The following EML5 variants were observed in gnomAD, a reference collection of about 807,000 sequenced individuals.
EML5 encodes echinoderm microtubule-associated protein-like 5.
EML5 carries 120 observed loss-of-function variants against 250.0 expected under a neutral mutation model. That is an observed-to-expected ratio of 0.48 (90% CI 0.41 to 0.56). EML5 has a LOEUF of 0.56. Ranked by LOEUF, EML5 falls within the 20% of genes least tolerant of loss-of-function variation. The pLI, the probability that EML5 is intolerant of heterozygous loss-of-function variation, is 0.00. For missense variants in EML5, 2,006 were observed against 2,437.6 expected (o/e 0.82, Z 3.73); for synonymous variants, 771 against 806.5 (o/e 0.96, Z 0.75).
At chr14:88,767,023 A>G (rs1013576073) in intron 1 of EML5, among the ~76,000 whole-genome samples, 7 of 152,172 alleles carry the variant, frequency 4.6e-5, no homozygotes, top group Non-Finnish European at 1.0e-4. Context: ...TAAATTGTTG[A>G]GATTTTAGTA....
Position 88,621,220 on chromosome 14 carries a change from C to T in EML5, c.5095G>A (p.Gly1699Ser), listed in dbSNP as rs761720203. The change falls in exon 38 of 44, where the codon GGT becomes AGT. Residue 1699 changes from glycine to serine, a missense_variant. Transcript: ENST00000554922. ...KNAACNILVN[G>S]HVDGPIWGLA... is the part of the protein sequence containing the mutation. The stretch of plus-strand genomic sequence containing the variant: ...CCCCAGATTGGCCCATCCACATGAC[C>T]GTTAACTAAAATATTACAAGCTGCA... 2.0e-5 allele frequency: 32 copies of T among 1,613,922 alleles called. No homozygotes were observed. The East Asian group carries it at 3.1e-4, about 16-fold the overall frequency.
chr14:88,644,323 C>T (rs2091234704), intron 30 of EML5, 110 bp downstream of exon 30: 1 of 905,566 alleles, frequency 1.1e-6, no homozygotes. Flanking sequence ...AAACAAAAAA[C>T]AGTACTCAAA....
rs55670689 is a variant in EML5 at position 88,668,338 on chromosome 14, T to G, written c.3125-2849A>C. Among the ~76,000 whole-genome samples, 526 of 151,332 alleles carry G rather than the reference T, an allele frequency of 3.5e-3. 2 individuals are homozygous for G. The highest frequency in any genetic ancestry group is 0.012 in the African/African-American group (505 of 41,172). ...AAATGCAGAGTGCAGGAAGAAGAGA[T>G]AGCACTAGCAAAGGAAACAGAAAAA... On this transcript the variant is annotated intron_variant, in intron 21 of 43. Transcript: ENST00000554922.
At position 88,689,249 on chromosome 14, in the gene EML5, T is replaced by C. The variant is rs977948268; in HGVS notation, c.2540-776A>G. Among the ~76,000 whole-genome samples the C allele has an allele frequency of 1.1e-4, 16 of 152,302 alleles. No individual in the cohort carries two copies. In the East Asian group the frequency reaches 1.7e-3, roughly 17 times the overall value. ...CTCTAGGAATGCCTGGGAGTAGTAA[T>C]AGGGTAATGTGCAAAAGGCATATCA... is the stretch of plus-strand genomic sequence containing the variant. On this transcript the variant is annotated intron_variant, in intron 17 of 43. Transcript: ENST00000554922.
chr14:88,649,047 C>T (rs981743517), intron 28 of EML5, among the ~76,000 whole-genome samples: 1 of 151,738 alleles, frequency 6.6e-6, no homozygotes, highest in African/African-American at 2.4e-5. Flanking sequence ...CCCCCACCCC[C>T]GAAACAGGGT....
Position 88,688,208 on chromosome 14 carries a change from C to G in EML5, c.2742+63G>C, listed in dbSNP as rs2092880576. The G allele has an allele frequency of 2.6e-6, 4 of 1,553,570 alleles. No individual in the cohort carries two copies. In the African/African-American group the frequency reaches 5.4e-5, roughly 21 times the overall value. On this transcript the variant is annotated intron_variant, in intron 18 of 43. Transcript: ENST00000554922. ...GTAGAAAGGCAGTGTTCCTTTACTT[C>G]TTAAAATGCTCTACACTCCAGGACA...
chr14:88,759,583 C>T (rs1043813732), intron 1 of EML5, among the ~76,000 whole-genome samples: 1 of 150,004 alleles, frequency 6.7e-6, no homozygotes, highest in East Asian at 2.0e-4. Context: ...ATTCAGAAGG[C>T]TGAGGCATGA....
At chr14:88,728,210 T>TC (rs1459781848) in intron 7 of EML5, among the ~76,000 whole-genome samples, 1 of 150,140 alleles carries the variant, frequency 6.7e-6, no homozygotes, top group African/African-American at 2.4e-5. Flanking sequence ...CTTTTTTTTT[T>TC]TGTCATTATT....
In EML5 at chr14:88,631,101, CA is replaced by C. The variant is rs543999287; in HGVS notation, c.4358-3283del. Among the ~76,000 whole-genome samples, 5 of 152,266 alleles carry C rather than the reference CA, an allele frequency of 3.3e-5. No individual in the cohort carries two copies. The South Asian group carries it at 1.0e-3, about 32-fold the overall frequency. On this transcript the variant is annotated intron_variant, in intron 33 of 43. Coordinates refer to ENST00000554922, the MANE Select transcript of EML5 (RefSeq NM_183387.3). ...TTCTCTGCTTAATTGCCTTAAGGAT[CA>C]AAAATATCAAATTCTGAGGTGCAGT...
At chr14:88,622,848 A>T (rs995181184) in intron 36 of EML5, 130 bp from the exon 37 acceptor site, 7 of 540,344 alleles carry the variant, frequency 1.3e-5, no homozygotes, top group Non-Finnish European at 2.2e-5. Flanking sequence ...TTTACCTCTA[A>T]TATTCTTGTA....
intron 20 of EML5, 127 bp from the exon 21 acceptor site, chr14:88,682,158 C>T: frequency 2.0e-6 from 2 of 979,520 alleles, no homozygotes; most frequent in Non-Finnish European, 2.7e-6. Flanking sequence ...GTGAGTAAAT[C>T]TATCAAAACT....
intron 1 of EML5, among the ~76,000 whole-genome samples, chr14:88,791,197 T>C (rs1225415725): frequency 6.6e-6 from 1 of 152,202 alleles, no homozygotes; most frequent in Non-Finnish European, 1.5e-5. Context: ...ACTTTATTTG[T>C]GGAATTTACA....
At chr14:88,770,094 G>A (rs1025963792) in intron 1 of EML5, among the ~76,000 whole-genome samples, 5 of 151,894 alleles carry the variant, frequency 3.3e-5, no homozygotes, top group African/African-American at 4.8e-5. Flanking sequence ...CTTGTGAAAC[G>A]GCCGCTGAAA....
intron 24 of EML5, among the ~76,000 whole-genome samples, chr14:88,662,628 C>T (rs528888456): frequency 7.7e-4 from 117 of 151,212 alleles, no homozygotes; most frequent in African/African-American, 2.0e-3. Context: ...CTGCAGCCTC[C>T]GCCTCCTAGG....
At chr14:88,730,211 T>C (rs1302993744) in intron 7 of EML5, among the ~76,000 whole-genome samples, 1 of 152,224 alleles carries the variant, frequency 6.6e-6, no homozygotes, top group East Asian at 1.9e-4. Flanking sequence ...GCAATGACAC[T>C]GTAGCTGTGC....
At chr14:88,775,788 C>T (rs1351408770) in intron 1 of EML5, among the ~76,000 whole-genome samples, 2 of 152,182 alleles carry the variant, frequency 1.3e-5, no homozygotes, top group African/African-American at 4.8e-5. Flanking sequence ...GGACTGATTA[C>T]AGCAAGCCTT....
At chr14:88,659,401 G>A (rs768667137) in intron 25 of EML5, among the ~76,000 whole-genome samples, 1 of 151,968 alleles carries the variant, frequency 6.6e-6, no homozygotes, top group Non-Finnish European at 1.5e-5. Flanking sequence ...TAATAGAGAC[G>A]GGGTTTCACC....
intron 14 of EML5, among the ~76,000 whole-genome samples, chr14:88,701,547 A>G (rs2093209493): frequency 6.6e-6 from 1 of 152,186 alleles, no homozygotes; most frequent in Non-Finnish European, 1.5e-5. Flanking sequence ...GAAAGGAAGG[A>G]GAGAAAGAGC....
At chr14:88,674,515 C>T (rs781235999) in intron 21 of EML5, among the ~76,000 whole-genome samples, 5 of 152,096 alleles carry the variant, frequency 3.3e-5, no homozygotes, top group South Asian at 2.1e-4. Flanking sequence ...GAGAACAGCA[C>T]AGGAAAGACC....
Sources: allele counts gnomAD v4.1 joint callset (sites outside exome capture counted in the v4.1 genomes callset), GRCh38; gene constraint gnomAD v4.1.1; transcripts MANE v1.5; gene names NCBI Gene and HGNC (gene_info 2026-07-23, HGNC 2026-07-21).